FRMD5: variants seen among roughly 807,000 people sequenced by gnomAD.
FRMD5 encodes FERM domain-containing protein 5.
In FRMD5, 20 loss-of-function variants were observed where a neutral mutation model predicts 69.0. That is an observed-to-expected ratio of 0.29 (90% confidence interval 0.20 to 0.42). The LOEUF (loss-of-function observed/expected upper bound fraction) is 0.42. FRMD5 is among the 10% of genes least tolerant of loss of function. FRMD5 has a pLI of 1.00. For missense variants in FRMD5, 595 were observed against 708.6 expected (o/e 0.84, Z 1.82); for synonymous variants, 271 against 260.1 (o/e 1.04, Z -0.40).
chr15:44,090,443 CT>C (rs34584410), intron 1 of FRMD5, among the ~76,000 whole-genome samples: 2,780 of 143,226 alleles, frequency 0.019, 65 homozygotes, highest in East Asian at 0.088. Context: ...TGAATAACTA[CT>C]TTTTTTTTTT....
At chr15:44,170,152 T>C (rs2077775248) in intron 1 of FRMD5, among the ~76,000 whole-genome samples, 1 of 152,162 alleles carries the variant, frequency 6.6e-6, no homozygotes, top group Non-Finnish European at 1.5e-5. Flanking sequence ...ACTCCTGAGC[T>C]GAAGTGATCC....
intron 1 of FRMD5, among the ~76,000 whole-genome samples, chr15:44,016,151 T>G (rs913098138): frequency 6.6e-6 from 1 of 152,184 alleles, no homozygotes. Flanking sequence ...CAGAGCAATC[T>G]AATTAAACAG....
At chr15:44,109,572 C>T (rs1471235074) in intron 1 of FRMD5, among the ~76,000 whole-genome samples, 1 of 151,582 alleles carries the variant, frequency 6.6e-6, no homozygotes, top group African/African-American at 2.4e-5. Context: ...TACATGAAAC[C>T]CACCCCCAAC....
At chr15:44,122,199 C>G (rs775876593) in intron 1 of FRMD5, among the ~76,000 whole-genome samples, 2 of 151,906 alleles carry the variant, frequency 1.3e-5, no homozygotes, top group African/African-American at 4.8e-5. Flanking sequence ...AGGAAAGAGA[C>G]AAACTGTTAA....
At position 44,192,600 on chromosome 15, in the gene FRMD5, C is replaced by T. The variant is rs1395884163; in HGVS notation, c.102+2353G>A. ...ATAAGCACATGCACATATACACACA[C>T]ACTCACTACAGAAATGCATGAAGGG... is the stretch of plus-strand genomic sequence containing the variant. On this transcript the variant is annotated intron_variant, in intron 1 of 13. Transcript: ENST00000417257. 3.3e-5 allele frequency among the ~76,000 whole-genome samples: 5 copies of T among 152,246 alleles called. No individual in the cohort carries two copies. The South Asian group carries it at 6.2e-4, about 19-fold the overall frequency.
chr15:44,072,851 T>G (rs933135088), intron 1 of FRMD5, among the ~76,000 whole-genome samples: 1 of 152,222 alleles, frequency 6.6e-6, no homozygotes, highest in Admixed American at 6.5e-5. Context: ...AGATCAAGGC[T>G]GGACACAGTG....
intron 1 of FRMD5, among the ~76,000 whole-genome samples, chr15:44,007,620 T>G (rs1160229398): frequency 6.6e-6 from 1 of 150,800 alleles, no homozygotes; most frequent in Non-Finnish European, 1.5e-5. Flanking sequence ...AATCTAATTT[T>G]TTTAATTAAT....
intron 1 of FRMD5, among the ~76,000 whole-genome samples, chr15:44,181,622 C>T (rs2078002771): frequency 6.6e-6 from 1 of 152,148 alleles, no homozygotes; most frequent in African/African-American, 2.4e-5. Context: ...TCATCATAAG[C>T]TGGGCACGGT....
At chr15:43,980,906 A>G (rs1271394388) in intron 1 of FRMD5, among the ~76,000 whole-genome samples, 1 of 152,170 alleles carries the variant, frequency 6.6e-6, no homozygotes, top group Non-Finnish European at 1.5e-5. Flanking sequence ...AGGTACAGTA[A>G]AAAATCTACC....
intron 1 of FRMD5, among the ~76,000 whole-genome samples, chr15:44,113,247 G>T (rs2076824375): frequency 1.3e-5 from 2 of 152,202 alleles, no homozygotes; most frequent in Admixed American, 6.5e-5. Context: ...GAAACAATCT[G>T]CATTGTAGGG....
intron 1 of FRMD5, among the ~76,000 whole-genome samples, chr15:44,107,556 C>T (rs2076737848): frequency 6.6e-6 from 1 of 152,062 alleles, no homozygotes. Flanking sequence ...TTGTAGTTAT[C>T]AGCCGAAAAA....
chr15:43,959,557 G>A (rs182695798), intron 1 of FRMD5, among the ~76,000 whole-genome samples: 25 of 152,334 alleles, frequency 1.6e-4, no homozygotes, highest in Non-Finnish European at 2.9e-5. Flanking sequence ...CTGACTGGGA[G>A]ATGAGACACA....
At chr15:43,889,472 C>A (rs937799435) in intron 8 of FRMD5, among the ~76,000 whole-genome samples, 7 of 152,158 alleles carry the variant, frequency 4.6e-5, no homozygotes, top group Non-Finnish European at 5.9e-5. Context: ...AGGAAAGGGG[C>A]TTAGGGGTTA....
chr15:44,033,808 C>T (rs2140292154), intron 1 of FRMD5, among the ~76,000 whole-genome samples: 1 of 152,328 alleles, frequency 6.6e-6, no homozygotes, highest in East Asian at 1.9e-4. Context: ...CTCTCTTAGG[C>T]TAGCTTCCTC....
intron 1 of FRMD5, among the ~76,000 whole-genome samples, chr15:44,142,961 G>A (rs890005181): frequency 6.6e-5 from 10 of 151,980 alleles, no homozygotes; most frequent in African/African-American, 1.9e-4. Flanking sequence ...GTGGTGGCGC[G>A]GGCCTGCAGT....
chr15:44,167,134 T>C (rs906514566), intron 1 of FRMD5, among the ~76,000 whole-genome samples: 27 of 152,264 alleles, frequency 1.8e-4, no homozygotes, highest in African/African-American at 5.8e-4. Flanking sequence ...CTGGTTCATA[T>C]TGGCTGCCCA....
intron 1 of FRMD5, among the ~76,000 whole-genome samples, chr15:44,060,095 G>A (rs905767804): frequency 6.6e-6 from 1 of 152,176 alleles, no homozygotes; most frequent in Non-Finnish European, 1.5e-5. Flanking sequence ...ACAGAGATTA[G>A]AAGCAGAAGC....
At chr15:44,082,664 T>A (rs1008531595) in intron 1 of FRMD5, among the ~76,000 whole-genome samples, 2 of 151,984 alleles carry the variant, frequency 1.3e-5, no homozygotes. Context: ...CCTAAAAGCA[T>A]AGCTGAAGGT....
At chr15:44,009,516 C>A (rs1264254695) in intron 1 of FRMD5, among the ~76,000 whole-genome samples, 19 of 151,986 alleles carry the variant, frequency 1.3e-4, no homozygotes, top group Non-Finnish European at 2.5e-4. Context: ...TCTGCCTCTA[C>A]AAAATACAAA....
Sources: gnomAD v4.1 joint callset for allele counts (sites outside exome capture counted in the v4.1 genomes callset) on GRCh38, gnomAD v4.1.1 for gene constraint, MANE v1.5 for transcripts, NCBI Gene and HGNC (gene_info 2026-07-23, HGNC 2026-07-21) for gene names.